The following NUDCD1 variants were observed in gnomAD, a reference collection of about 807,000 sequenced individuals.
NUDCD1 encodes the protein nudC domain-containing protein 1.
Under a neutral mutation model 67.8 loss-of-function variants are expected in NUDCD1, and 60 were observed. That is an observed-to-expected ratio of 0.88 (90% CI 0.72 to 1.10). NUDCD1 has a LOEUF of 1.10. NUDCD1 is among the 50% of genes least tolerant of loss of function. The pLI is 0.00. For missense variants in NUDCD1, 643 were observed against 695.0 expected (o/e 0.93, Z 0.84); for synonymous variants, 244 against 230.8 (o/e 1.06, Z -0.52).
chr8:109,282,650 A>C lies in NUDCD1; in HGVS notation c.824-1478T>G, dbSNP rs896089043. On this transcript the variant is annotated intron_variant, in intron 5 of 9. Coordinates refer to ENST00000239690, the MANE Select transcript of NUDCD1 (RefSeq NM_032869.4). ...TTGAACAATGAGAACTCATGGATAC[A>C]GGGAGGGGAACATCACACACCGGGG... 1.5e-4 allele frequency among the ~76,000 whole-genome samples: 17 copies of C among 113,860 alleles called. No individual in the cohort carries two copies. The Admixed American group carries it at 1.7e-3, about 11-fold the overall frequency. The allele number at this position is 113,860 out of a possible 152,430, so 74.7% of individuals were successfully genotyped here.
rs143861307 is a variant in NUDCD1, at chr8:109,293,385, T to C, written c.599A>G (p.Tyr200Cys). 1,488 of 1,587,318 alleles carry C rather than the reference T, an allele frequency of 9.4e-4. 2 individuals carry two copies. The highest frequency in any genetic ancestry group is 1.2e-3 in the Middle Eastern group (7 of 5,982). Residue 200 changes from tyrosine to cysteine, a missense_variant, in exon 4 of 10, where the codon TAT becomes TGT. Coordinates refer to ENST00000239690, the MANE Select transcript of NUDCD1 (RefSeq NM_032869.4). ...EELDMKGSGF[Y>C]VSLEWVTISK... ...GATAGTGACCCACTCCAGAGAAACA[T>C]AGAAACCACTTCCTTTCATATCCAA...
At chr8:109,325,330 C>T (rs921142189) in intron 1 of NUDCD1, among the ~76,000 whole-genome samples, 1 of 152,000 alleles carries the variant, frequency 6.6e-6, no homozygotes. Context: ...TTCAAAACAG[C>T]GAGTACCAAA....
chr8:109,304,751 T>G (rs1055814923), intron 2 of NUDCD1, among the ~76,000 whole-genome samples: 1 of 152,224 alleles, frequency 6.6e-6, no homozygotes. Context: ...TCAAAAGGCA[T>G]CAGATCCCAT....
At position 109,271,002 on chromosome 8, in the gene NUDCD1, T is replaced by C; in HGVS notation, c.1299+3A>G. Reference sequence around the variant, plus strand: ...TTTAGAAATATTAATATCAGTAACTTACCACATGAGTAGTTTTTAATGTAT... The same window carrying C: ...TTTAGAAATATTAATATCAGTAACTCACCACATGAGTAGTTTTTAATGTAT... On this transcript the variant is annotated splice_donor_region_variant and intron_variant, in intron 8 of 9. Coordinates refer to ENST00000239690, the MANE Select transcript of NUDCD1 (RefSeq NM_032869.4). 2 of 1,566,768 alleles carry C rather than the reference T, an allele frequency of 1.3e-6. No individual in the cohort carries two copies. The highest frequency in any genetic ancestry group is 1.7e-6 in the Non-Finnish European group (2 of 1,152,336).
intron 8 of NUDCD1, among the ~76,000 whole-genome samples, chr8:109,262,213 T>C (rs1267155750): frequency 6.6e-6 from 1 of 152,254 alleles, no homozygotes; most frequent in African/African-American, 2.4e-5. Flanking sequence ...GCGGAGATAC[T>C]GACTGCTCTT....
chr8:109,249,129 T>C (rs1047553881), intron 8 of NUDCD1, among the ~76,000 whole-genome samples: 1 of 152,214 alleles, frequency 6.6e-6, no homozygotes, highest in Non-Finnish European at 1.5e-5. Context: ...CTTATAAATA[T>C]GGTAACTACT....
chr8:109,252,637 C>A (rs1438239312), intron 8 of NUDCD1, among the ~76,000 whole-genome samples: 1 of 152,166 alleles, frequency 6.6e-6, no homozygotes, highest in African/African-American at 2.4e-5. Context: ...ACGGGTCACA[C>A]CACGTCTTTA....
At chr8:109,293,256 G>C in intron 4 of NUDCD1, 88 bp downstream of exon 4, 1 of 650,280 alleles carries the variant, frequency 1.5e-6, no homozygotes, top group Non-Finnish European at 2.6e-6. Flanking sequence ...CCAAGAAAGA[G>C]CAAACAGTAT....
chr8:109,309,300 T>A (rs1333663215), intron 2 of NUDCD1, among the ~76,000 whole-genome samples: 1 of 152,034 alleles, frequency 6.6e-6, no homozygotes, highest in African/African-American at 2.4e-5. Context: ...GCAGGGATGG[T>A]TTAATATACA....
chr8:109,331,515 C>CAAAAAAAAAAAAAAAAAAAAAAAA (rs59203626), intron 1 of NUDCD1, among the ~76,000 whole-genome samples: 2 of 65,886 alleles, frequency 3.0e-5, no homozygotes, highest in African/African-American at 5.2e-5. Flanking sequence ...GACTCAGACT[C>CAAAAAAAAAAAAAAAAAAAAAAAA]AAAAAAAAAA....
At chr8:109,251,609 T>C (rs534786691) in intron 8 of NUDCD1, among the ~76,000 whole-genome samples, 35 of 152,350 alleles carry the variant, frequency 2.3e-4, no homozygotes, top group South Asian at 6.2e-4. Flanking sequence ...AGGATCTCCA[T>C]TGACATCCTA....
intron 8 of NUDCD1, among the ~76,000 whole-genome samples, chr8:109,268,317 T>G (rs1353971352): frequency 1.3e-5 from 2 of 152,164 alleles, no homozygotes; most frequent in Non-Finnish European, 2.9e-5. Flanking sequence ...AGAAGAGGTT[T>G]CAGCTGCCCC....
chr8:109,306,570 TA>T (rs372844823), intron 2 of NUDCD1, among the ~76,000 whole-genome samples: 12 of 146,458 alleles, frequency 8.2e-5, no homozygotes, highest in Non-Finnish European at 1.1e-4. Flanking sequence ...TATGACAACA[TA>T]AAAAAAAAAC....
intron 8 of NUDCD1, among the ~76,000 whole-genome samples, chr8:109,260,998 G>A (rs1218119080): frequency 6.6e-6 from 1 of 152,164 alleles, no homozygotes; most frequent in Non-Finnish European, 1.5e-5. Flanking sequence ...AGTGGTGACA[G>A]GTAACTTCTG....
intron 8 of NUDCD1, among the ~76,000 whole-genome samples, chr8:109,270,072 G>C (rs1216904092): frequency 2.6e-5 from 2 of 75,976 alleles, no homozygotes; most frequent in Admixed American, 1.4e-4. Context: ...GGGGGCGGGG[G>C]GGGGGGGGGG....
Position 109,324,830 on chromosome 8 carries a change from T to A in NUDCD1, c.119-2367A>T, listed in dbSNP as rs373929523. 1.3e-4 allele frequency among the ~76,000 whole-genome samples: 20 copies of A among 152,358 alleles called. 1 individual carries two copies. In the East Asian group the frequency reaches 2.1e-3, roughly 16 times the overall value. On this transcript the variant is annotated intron_variant, in intron 1 of 9. Transcript: ENST00000239690. The stretch of plus-strand genomic sequence containing the variant: ...GGCCGGGCGCCGAGGCTCAGGCCTG[T>A]AATCCCAGCACTTTGGGAGGCCAAG...
intron 4 of NUDCD1, among the ~76,000 whole-genome samples, chr8:109,290,769 T>C (rs913658999): frequency 2.6e-5 from 4 of 152,196 alleles, no homozygotes; most frequent in African/African-American, 9.6e-5. Flanking sequence ...TGTTACTCTT[T>C]AAGTGGGTTA....
chr8:109,258,506 G>T (rs1396663512), intron 8 of NUDCD1, among the ~76,000 whole-genome samples: 1 of 151,942 alleles, frequency 6.6e-6, no homozygotes, highest in Non-Finnish European at 1.5e-5. Context: ...GAAAAGGTTG[G>T]CGAAGAAAGA....
intron 2 of NUDCD1, among the ~76,000 whole-genome samples, chr8:109,303,783 G>A (rs1165884317): frequency 2.0e-5 from 3 of 151,898 alleles, no homozygotes; most frequent in South Asian, 2.1e-4. Flanking sequence ...CCCTTACCTC[G>A]CTCAATGCCA....
Sources: gnomAD v4.1 joint callset for allele counts (sites outside exome capture counted in the v4.1 genomes callset) on GRCh38, gnomAD v4.1.1 for gene constraint, MANE v1.5 for transcripts, NCBI Gene and HGNC (gene_info 2026-07-23, HGNC 2026-07-21) for gene names.